DIP2C: variants seen among roughly 807,000 people sequenced by gnomAD.
DIP2C encodes disco-interacting protein 2 homolog C.
DIP2C carries 33 observed loss-of-function variants against 192.4 expected under a neutral mutation model. The observed-to-expected ratio is 0.17, with a 90% CI of 0.13 to 0.23. The LOEUF is 0.23. DIP2C is among the 10% of genes least tolerant of loss of function. The probability of loss-of-function intolerance (pLI) is 1.00; values close to 1 mark genes in which losing one functional copy is unlikely to be tolerated. For synonymous variants in DIP2C, 979 were observed against 864.1 expected, an observed-to-expected ratio of 1.13 and a Z score of -2.33; for missense variants, 1,537 against 2,110.1, an observed-to-expected ratio of 0.73 and a Z score of 5.32.
chr10:639,240 G>A (rs1159142439), intron 1 of DIP2C, among the ~76,000 whole-genome samples: 3 of 140,382 alleles, frequency 2.1e-5, no homozygotes, highest in East Asian at 2.2e-4. Context: ...ACATGGGGAC[G>A]CGTCAGGTCG....
chr10:337,799 A>AGG (rs1564577006), intron 29 of DIP2C, among the ~76,000 whole-genome samples: 1 of 16,706 alleles, frequency 6.0e-5, no homozygotes, highest in Non-Finnish European at 1.0e-4. Context: ...GTGTGTGTGC[A>AGG]CGTGTGTCGT....
At chr10:354,973 C>T (rs915333682) in intron 24 of DIP2C, among the ~76,000 whole-genome samples, 2 of 151,742 alleles carry the variant, frequency 1.3e-5, no homozygotes, top group Non-Finnish European at 2.9e-5. Context: ...ACCTGGCGAT[C>T]GGGTTAGCAA....
intron 2 of DIP2C, among the ~76,000 whole-genome samples, chr10:479,675 T>C (rs1843440356): frequency 6.6e-6 from 1 of 152,160 alleles, no homozygotes; most frequent in African/African-American, 2.4e-5. Flanking sequence ...TGAGCCCAAA[T>C]CTTTGCCACA....
intron 1 of DIP2C, among the ~76,000 whole-genome samples, chr10:573,230 C>T (rs816628): frequency 1.3e-5 from 2 of 152,088 alleles, no homozygotes; most frequent in South Asian, 4.2e-4. Context: ...AATCCAGTAA[C>T]AACCTGATGA....
At chr10:609,705 A>G (rs1330216813) in intron 1 of DIP2C, among the ~76,000 whole-genome samples, 1 of 152,186 alleles carries the variant, frequency 6.6e-6, no homozygotes, top group Non-Finnish European at 1.5e-5. Context: ...CACCTTTCCA[A>G]TATCAAAAAC....
rs147866409 is a variant in DIP2C, at chr10:501,504, C to T, written c.86-14974G>A. On this transcript the variant is annotated intron_variant, in intron 1 of 36. Coordinates refer to ENST00000280886, the MANE Select transcript of DIP2C (RefSeq NM_014974.3). Reference sequence around the variant, plus strand: ...AATAATATGTTTATGAAAACACATGCGTTGATACCATATTACCCCAATTAT... The same window carrying T: ...AATAATATGTTTATGAAAACACATGTGTTGATACCATATTACCCCAATTAT... Among the ~76,000 whole-genome samples the T allele has an allele frequency of 2.4e-3, 369 of 151,902 alleles. 1 individual carries two copies. Among genetic ancestry groups the T allele is most frequent in the Non-Finnish European group, 4.2e-3 (283 of 67,976 alleles).
chr10:540,061 G>GA (rs1847896205), intron 1 of DIP2C, among the ~76,000 whole-genome samples: 1 of 152,210 alleles, frequency 6.6e-6, no homozygotes, highest in Non-Finnish European at 1.5e-5. Context: ...CCATGAATCA[G>GA]AAGCAGCATC....
At chr10:385,444 G>A (rs757070285) in intron 14 of DIP2C, among the ~76,000 whole-genome samples, 1 of 152,160 alleles carries the variant, frequency 6.6e-6, no homozygotes. Context: ...GAAACAGATC[G>A]TCATTTTCAA....
intron 1 of DIP2C, among the ~76,000 whole-genome samples, chr10:516,042 A>C (rs962956086): frequency 1.3e-5 from 2 of 151,514 alleles, no homozygotes; most frequent in Non-Finnish European, 2.9e-5. Flanking sequence ...AGGAAGATCT[A>C]GTCCAGTGGG....
intron 1 of DIP2C, among the ~76,000 whole-genome samples, chr10:619,541 G>GCCCGCCCGCCCGCCCGCCCT: frequency 1.5e-5 from 1 of 67,896 alleles, no homozygotes; most frequent in Non-Finnish European, 4.6e-5. Flanking sequence ...CCGCCCGCCC[G>GCCCGCCCGCCCGCCCGCCCT]CCCTCCCACC....
chr10:456,502 C>G (rs1345717887), intron 3 of DIP2C, among the ~76,000 whole-genome samples: 1 of 152,186 alleles, frequency 6.6e-6, no homozygotes, highest in African/African-American at 2.4e-5. Context: ...TCAAAGCACT[C>G]ACAGCGGAGC....
rs1846013086 is a variant in DIP2C at position 511,549 on chromosome 10, C to A, written c.86-25019G>T. Among the ~76,000 whole-genome samples, 2 of 152,274 alleles carry A rather than the reference C, an allele frequency of 1.3e-5. 1 individual carries two copies. The highest frequency in any genetic ancestry group is 4.1e-4 in the South Asian group (2 of 4,826). On this transcript the variant is annotated intron_variant, in intron 1 of 36. Coordinates refer to ENST00000280886, the MANE Select transcript of DIP2C (RefSeq NM_014974.3). ...ATTTACTTCTTAAAAAATAACACGT[C>A]TTCCAGGTTCATTTTACCCATAAAG...
chr10:387,856 C>CA (rs1293657960), intron 13 of DIP2C, 47 bp from the exon 14 acceptor site: 1 of 1,588,454 alleles, frequency 6.3e-7, no homozygotes, highest in East Asian at 2.2e-5. Flanking sequence ...GACAGGGCGG[C>CA]AACAGATCAA....
chr10:624,222 TC>T (rs1407366092), intron 1 of DIP2C, among the ~76,000 whole-genome samples: 1 of 152,132 alleles, frequency 6.6e-6, no homozygotes, highest in Non-Finnish European at 1.5e-5. Flanking sequence ...GGCCTGGGGC[TC>T]CCAGCTGAAG....
At chr10:604,367 G>A (rs1414124143) in intron 1 of DIP2C, among the ~76,000 whole-genome samples, 3 of 152,178 alleles carry the variant, frequency 2.0e-5, no homozygotes, top group Non-Finnish European at 2.9e-5. Context: ...CAAAGATGAG[G>A]AAGGCAGTTG....
At chr10:301,097 G>C (rs1188126256) in intron 32 of DIP2C, among the ~76,000 whole-genome samples, 2 of 152,288 alleles carry the variant, frequency 1.3e-5, no homozygotes, top group South Asian at 2.1e-4. Flanking sequence ...GGAACATTAG[G>C]GTGGGGTCGT....
rs573943533 is a variant in DIP2C, at chr10:579,257, G to A, written c.86-92727C>T. Among the ~76,000 whole-genome samples the A allele has an allele frequency of 1.6e-4, 24 of 151,080 alleles. No individual in the cohort carries two copies. The East Asian group carries it at 4.2e-3, about 26-fold the overall frequency. On this transcript the variant is annotated intron_variant, in intron 1 of 36. Coordinates refer to ENST00000280886, the MANE Select transcript of DIP2C (RefSeq NM_014974.3). The stretch of plus-strand genomic sequence containing the variant: ...TACGTACATAGGTACACTAACATGT[G>A]TACATGCATACAGCATACACACATC...
At chr10:573,377 C>CA in intron 1 of DIP2C, among the ~76,000 whole-genome samples, 1 of 152,330 alleles carries the variant, frequency 6.6e-6, no homozygotes, top group East Asian at 1.9e-4. Flanking sequence ...CTAGTTTACA[C>CA]AGAGCGCAGC....
At chr10:485,333 G>C (rs1008956696) in intron 2 of DIP2C, among the ~76,000 whole-genome samples, 4 of 152,186 alleles carry the variant, frequency 2.6e-5, no homozygotes, top group African/African-American at 7.2e-5. Context: ...ATGAGGGAGG[G>C]GGCGCAGGCC....
Sources: allele counts gnomAD v4.1 joint callset (sites outside exome capture counted in the v4.1 genomes callset), GRCh38; gene constraint gnomAD v4.1.1; transcripts MANE v1.5; gene names NCBI Gene and HGNC (gene_info 2026-07-23, HGNC 2026-07-21).